Variants in ATP7A observed in about 807,000 individuals in gnomAD.
ATP7A encodes copper-transporting ATPase 1.
A neutral mutation model predicts 83.5 loss-of-function variants in ATP7A; 7 were observed. The ratio of observed to expected loss-of-function variants is 0.08; its 90% confidence interval spans 0.05 to 0.16. The LOEUF is 0.16. Ranked by LOEUF, ATP7A falls within the 10% of genes least tolerant of loss-of-function variation. The pLI is 1.00. For synonymous variants in ATP7A, 354 were observed against 395.2 expected (o/e 0.90, Z 1.24); for missense variants, 940 against 1,120.8 (o/e 0.84, Z 2.30).
chrX:77,963,582 T>C (rs1557228335), intron 1 of ATP7A: 1 of 111,890 alleles, frequency 8.9e-6, no homozygotes, highest in East Asian at 2.8e-4. Context: ...AATACTTTTG[T>C]CCTCAAATGA....
chrX:77,914,395 T>C (rs1477580834), intron 1 of ATP7A, among the ~76,000 whole-genome samples: 2 of 110,497 alleles, frequency 1.8e-5, no homozygotes, highest in Non-Finnish European at 3.8e-5. Flanking sequence ...GGACTATAGG[T>C]GTGTGCCACC....
Position 77,983,595 on chromosome X carries a change from C to A in ATP7A, c.121-4647C>A, listed in dbSNP as rs992232602. On this transcript the variant is annotated intron_variant, in intron 2 of 22. Transcript: ENST00000341514. ...TACGTTTGGTATATTTTCCTTTTTT[C>A]TCTCCCACTACTGCCTTCATCAAAA... is the stretch of plus-strand genomic sequence containing the variant. 6.2e-5 allele frequency among the ~76,000 whole-genome samples: 7 copies of A among 112,315 alleles called. No individual in the cohort carries two copies. The Admixed American group carries it at 6.6e-4, about 11-fold the overall frequency.
chrX:77,973,253 C>T (rs2077558845), intron 2 of ATP7A, among the ~76,000 whole-genome samples: 1 of 111,567 alleles, frequency 9.0e-6, no homozygotes, highest in Non-Finnish European at 1.9e-5. Context: ...CACAGCCACA[C>T]TCATTCATTT....
chrX:78,014,611 C>T (rs782649128), intron 10 of ATP7A, 51 bp from the exon 11 acceptor site: 3 of 961,944 alleles, frequency 3.1e-6, no homozygotes, highest in Non-Finnish European at 4.5e-6. Context: ...TTAGTTAAGA[C>T]CTGAACTTTT....
Position 78,011,663 on chromosome X carries a change from G to T in ATP7A, c.2161G>T (p.Val721Leu), listed in dbSNP as rs1557234543. 8.3e-7 allele frequency: 1 copy of T among 1,207,913 alleles called. No homozygotes were observed. Among genetic ancestry groups the T allele is most frequent in the Non-Finnish European group, 1.1e-6 (1 of 892,272 alleles). ...GAATTTGCTGTCCTTTTTATTGTGT[G>T]TACCTGTACAGGCAAGTGAATTGTT... ...VMNLLSFLLC[V>L]PVQFFGGWYF... is the part of the protein sequence containing the mutation. The change falls in exon 9 of 23, where the codon GTA becomes TTA. Residue 721 changes from valine to leucine, a missense_variant. By Grantham distance (32) the Val-to-Leu change is conservative. This residue lies in a region of ATP7A where 204 missense variants were observed against 185.8 expected (regional missense o/e 1.10). Coordinates refer to ENST00000341514, the MANE Select transcript of ATP7A (RefSeq NM_000052.7).
Position 78,027,005 on chromosome X carries a change from C to A in ATP7A, c.2917-2245C>A, listed in dbSNP as rs191273420. Among the ~76,000 whole-genome samples the A allele has an allele frequency of 1.8e-3, 197 of 110,646 alleles. 2 individuals carry two copies. Among genetic ancestry groups the A allele is most frequent in the African/African-American group, 6.1e-3 (185 of 30,454 alleles). ...CTCTACTAAAAAATACAAAAATTAG[C>A]CAGGCATGGTGGCACGCACCTGTAA... On this transcript the variant is annotated intron_variant, in intron 14 of 22. Transcript: ENST00000341514.
In ATP7A at chrX:77,952,944, G is replaced by C. The variant is rs782063993; in HGVS notation, c.-21-18677G>C. 7.3e-5 allele frequency among the ~76,000 whole-genome samples: 8 copies of C among 109,911 alleles called. No individual in the cohort carries two copies. In the South Asian group the frequency reaches 3.1e-3, roughly 43 times the overall value. ...CTACAGGAGTGTGCCACCGTGGTCA[G>C]CTAATTTTTGCATTTTTTGTGGAGA... is the stretch of plus-strand genomic sequence containing the variant. On this transcript the variant is annotated intron_variant, in intron 1 of 22. Coordinates refer to ENST00000341514, the MANE Select transcript of ATP7A (RefSeq NM_000052.7).
intron 1 of ATP7A, among the ~76,000 whole-genome samples, chrX:77,914,665 A>G (rs2077176280): frequency 9.0e-6 from 1 of 110,955 alleles, no homozygotes; most frequent in African/African-American, 3.3e-5. Context: ...CAGCCTCCCA[A>G]AGTGCTGGGA....
chrX:77,947,645 C>T (rs1557226301), intron 1 of ATP7A, among the ~76,000 whole-genome samples: 1 of 109,284 alleles, frequency 9.2e-6, no homozygotes, highest in African/African-American at 3.3e-5. Flanking sequence ...GCCATGTTGG[C>T]CAGGCTGGTC....
intron 7 of ATP7A, among the ~76,000 whole-genome samples, chrX:78,010,820 T>C (rs1327224035): frequency 1.8e-5 from 2 of 109,928 alleles, no homozygotes; most frequent in African/African-American, 3.3e-5. Flanking sequence ...ACTTTGTGAT[T>C]TGCCCACCTT....
chrX:78,008,899 C>G (rs1440620359), intron 6 of ATP7A, among the ~76,000 whole-genome samples: 1 of 108,800 alleles, frequency 9.2e-6, no homozygotes, highest in African/African-American at 3.4e-5. Context: ...GCCTGTAACC[C>G]CAGCTACTTG....
intron 9 of ATP7A, among the ~76,000 whole-genome samples, chrX:78,012,009 G>C (rs1331377808): frequency 9.2e-6 from 1 of 108,553 alleles, no homozygotes; most frequent in African/African-American, 3.4e-5. Context: ...AGTGGTGTAA[G>C]CACAGCTCAC....
intron 1 of ATP7A, among the ~76,000 whole-genome samples, chrX:77,934,956 C>T (rs1325379956): frequency 9.3e-6 from 1 of 107,875 alleles, no homozygotes; most frequent in Non-Finnish European, 1.9e-5. Flanking sequence ...CAGGTGTGCA[C>T]CACCACACCT....
chrX:77,961,094 GA>G (rs370970127), intron 1 of ATP7A, among the ~76,000 whole-genome samples: 24 of 106,330 alleles, frequency 2.3e-4, no homozygotes, highest in African/African-American at 6.5e-4. Flanking sequence ...GTAGAGTTTT[GA>G]AAAAAAAACA....
At chrX:78,013,968 T>C (rs1557234844) in intron 10 of ATP7A, among the ~76,000 whole-genome samples, 2 of 111,687 alleles carry the variant, frequency 1.8e-5, no homozygotes, top group African/African-American at 6.5e-5. Context: ...GGGATAAACA[T>C]TTTTTCATCA....
intron 1 of ATP7A, chrX:77,966,945 C>G: frequency 3.6e-6 from 1 of 279,208 alleles, no homozygotes; most frequent in Non-Finnish European, 7.0e-6. Flanking sequence ...ATGTTCCCCT[C>G]CCTGTGTCCA....
At chrX:77,983,220 T>C (rs2077614200) in intron 2 of ATP7A, among the ~76,000 whole-genome samples, 1 of 112,190 alleles carries the variant, frequency 8.9e-6, no homozygotes, top group Non-Finnish European at 1.9e-5. Context: ...AGAGAAAACA[T>C]GTACTGATGA....
chrX:78,020,996 A>G lies in ATP7A; in HGVS notation c.2833A>G (p.Ile945Val). 1 of 1,205,877 alleles carries G rather than the reference A, an allele frequency of 8.3e-7. No individual in the cohort carries two copies. Among genetic ancestry groups the G allele is most frequent in the South Asian group, 1.8e-5 (1 of 56,848 alleles). Residue 945 changes from isoleucine to valine, a missense_variant, in exon 14 of 23, where the codon ATT becomes GTT. Ile to Val is a conservative substitution (Grantham distance 29). Coordinates refer to ENST00000341514, the MANE Select transcript of ATP7A (RefSeq NM_000052.7). ...ACTCAGTGGCTATTTTGTTCCTTTT[A>G]TTGTTTTTGTTTCCATTGCCACCCT... is the stretch of plus-strand genomic sequence containing the variant. ...DKLSGYFVPF[I>V]VFVSIATLLV...
rs7053543 is a variant in ATP7A, at chrX:78,020,539, G to A, written c.2781+141G>A. ...TCGTTTGTTTTTGTTTTGAGATAGG[G>A]TCTCACTCTGTTGCACAGGCTGGAG... On this transcript the variant is annotated intron_variant, in intron 13 of 22. Transcript: ENST00000341514. 0.23 allele frequency: 168,043 copies of A among 729,867 alleles called. 13,971 individuals are homozygous for A. The highest frequency in any genetic ancestry group is 0.38 in the South Asian group (15,513 of 40,377). 60.1% of individuals were successfully genotyped at this position (729,867 alleles called of 1,213,427 possible).
Sources: gnomAD v4.1 joint callset for allele counts (sites outside exome capture counted in the v4.1 genomes callset) on GRCh38, gnomAD v4.1.1 for gene constraint, gnomAD v4.1.1 regional missense constraint, MANE v1.5 for transcripts, NCBI Gene and HGNC (gene_info 2026-07-23, HGNC 2026-07-21) for gene names.